The following CIMAP2 variants were observed in gnomAD, a reference collection of about 807,000 sequenced individuals.
The protein encoded by CIMAP2 is ciliary microtubule-associated protein 2.
At chr1:54,833,334 C>T in the CIMAP2 span, among the ~76,000 whole-genome samples, 1 of 152,170 alleles carries the variant, frequency 6.6e-6, no homozygotes, top group African/African-American at 2.4e-5. Flanking sequence ...TGTGCTTCAG[C>T]CTCACCTCCT....
the CIMAP2 span, among the ~76,000 whole-genome samples, chr1:54,814,598 C>T: frequency 6.6e-6 from 1 of 152,256 alleles, no homozygotes; most frequent in Admixed American, 6.5e-5. Context: ...TGGAACCCAG[C>T]TCATCTGGCT....
At chr1:54,839,773 A>G in the CIMAP2 span, among the ~76,000 whole-genome samples, 1 of 152,044 alleles carries the variant, frequency 6.6e-6, no homozygotes, top group Non-Finnish European at 1.5e-5. Context: ...TTTTTGAGAT[A>G]GTGTCAACAC....
the CIMAP2 span, chr1:54,807,468 C>T: frequency 2.8e-6 from 4 of 1,450,242 alleles, no homozygotes; most frequent in Middle Eastern, 2.2e-4. Context: ...TGAGGGCCTG[C>T]TCTGTGGGTA....
chr1:54,807,713 T>C, the CIMAP2 span: 1 of 1,554,486 alleles, frequency 6.4e-7, no homozygotes, highest in Non-Finnish European at 8.7e-7. Flanking sequence ...GGGCCATGCC[T>C]CTCCCTCTCT....
chr1:54,814,964 C>T, the CIMAP2 span: 98 of 1,614,188 alleles, frequency 6.1e-5, no homozygotes, highest in Admixed American at 1.3e-4. Flanking sequence ...AATGCAAACC[C>T]GTCAACCAGC....
At chr1:54,824,826 CATTG>C in the CIMAP2 span, among the ~76,000 whole-genome samples, 3 of 151,676 alleles carry the variant, frequency 2.0e-5, no homozygotes, top group Non-Finnish European at 4.4e-5. Flanking sequence ...TCTTGTATCT[CATTG>C]ATTTTCTTTA....
the CIMAP2 span, chr1:54,811,766 CCTCCAT>C: frequency 8.4e-6 from 11 of 1,305,176 alleles, no homozygotes; most frequent in Non-Finnish European, 1.1e-5. Flanking sequence ...GTTCTGACAG[CCTCCAT>C]GCCCCCACCC....
the CIMAP2 span, chr1:54,812,278 G>C: frequency 6.5e-7 from 1 of 1,540,282 alleles, no homozygotes. Flanking sequence ...CAGCCTGTGT[G>C]CCAGGCTCTG....
At chr1:54,806,207 G>A in the CIMAP2 span, 170 of 1,540,246 alleles carry the variant, frequency 1.1e-4, no homozygotes, top group Non-Finnish European at 1.4e-4. Context: ...GCCCTTCGGG[G>A]TGCAGAGCCA....
At chr1:54,822,657 C>G in the CIMAP2 span, among the ~76,000 whole-genome samples, 1 of 152,148 alleles carries the variant, frequency 6.6e-6, no homozygotes, top group African/African-American at 2.4e-5. Flanking sequence ...GTGCACATCA[C>G]CATGCCCAAG....
the CIMAP2 span, chr1:54,814,067 A>T: frequency 7.1e-7 from 1 of 1,414,178 alleles, no homozygotes; most frequent in Non-Finnish European, 9.5e-7. Flanking sequence ...TTTCATAGGG[A>T]ATAGCTCAGT....
chr1:54,820,697 A>G, the CIMAP2 span, among the ~76,000 whole-genome samples: 22 of 151,982 alleles, frequency 1.4e-4, no homozygotes, highest in Admixed American at 1.4e-3. Context: ...GATGTCAAGC[A>G]TTTTTTCATT....
chr1:54,820,148 CCCTT>C, the CIMAP2 span, among the ~76,000 whole-genome samples: 50 of 116,300 alleles, frequency 4.3e-4, no homozygotes, highest in Admixed American at 1.5e-3. Flanking sequence ...CTCTCTTTCT[CCCTT>C]CCTTCCTTCC....
chr1:54,838,593 G>A, the CIMAP2 span, among the ~76,000 whole-genome samples: 4 of 152,154 alleles, frequency 2.6e-5, no homozygotes, highest in East Asian at 1.9e-4. Context: ...GGGCCACAGC[G>A]AGTTACTCAC....
the CIMAP2 span, among the ~76,000 whole-genome samples, chr1:54,823,059 G>A: frequency 2.4e-4 from 37 of 152,258 alleles, no homozygotes; most frequent in Non-Finnish European, 4.9e-4. Context: ...GCTGTTGGAC[G>A]AAATGTTCTG....
chr1:54,810,197 A>C, the CIMAP2 span, among the ~76,000 whole-genome samples: 1 of 151,980 alleles, frequency 6.6e-6, no homozygotes, highest in Admixed American at 6.6e-5. Flanking sequence ...CTGCCAACCC[A>C]CCCCGGTGCC....
the CIMAP2 span, chr1:54,807,988 G>T: frequency 5.0e-6 from 8 of 1,588,822 alleles, no homozygotes; most frequent in Admixed American, 9.2e-5. Context: ...CTCTGGGGAG[G>T]TTCGCTTCCG....
the CIMAP2 span, among the ~76,000 whole-genome samples, chr1:54,829,960 T>C: frequency 1.4e-4 from 22 of 152,124 alleles, no homozygotes; most frequent in African/African-American, 5.3e-4. Context: ...TGGTGATGCT[T>C]GGCTCTGCAT....
the CIMAP2 span, among the ~76,000 whole-genome samples, chr1:54,839,709 T>A: frequency 4.0e-5 from 6 of 151,866 alleles, no homozygotes; most frequent in African/African-American, 1.5e-4. Flanking sequence ...ATAACTCACA[T>A]GCAGTAAAAT....
Sources: gnomAD v4.1 joint callset for allele counts (sites outside exome capture counted in the v4.1 genomes callset) on GRCh38, gnomAD v4.1.1 for gene constraint, MANE v1.5 for transcripts, NCBI Gene and HGNC (gene_info 2026-07-23, HGNC 2026-07-21) for gene names.